Variants in CNTNAP2 observed in about 807,000 individuals in gnomAD.
CNTNAP2 encodes the protein contactin-associated protein-like 2.
A neutral mutation model predicts 155.2 loss-of-function variants in CNTNAP2; 98 were observed. The observed-to-expected ratio is 0.63, with a 90% CI of 0.54 to 0.75. The LOEUF (loss-of-function observed/expected upper bound fraction) is 0.75, where lower values mean the gene tolerates loss of function less well. Among genes scored for constraint, CNTNAP2 ranks in the 30% least tolerant of loss-of-function variants. The pLI is 0.00. For synonymous variants in CNTNAP2, 651 were observed against 631.2 expected (o/e 1.03, Z -0.47); for missense variants, 1,727 against 1,688.1 (o/e 1.02, Z -0.40).
At chr7:146,915,094 T>C (rs1158936747) in intron 3 of CNTNAP2, among the ~76,000 whole-genome samples, 1 of 152,130 alleles carries the variant, frequency 6.6e-6, no homozygotes, top group East Asian at 1.9e-4. Context: ...CCACTTTATA[T>C]TTTTGTTTCC....
chr7:147,608,708 C>A (rs561448989), intron 12 of CNTNAP2, among the ~76,000 whole-genome samples: 3 of 152,180 alleles, frequency 2.0e-5, no homozygotes, highest in African/African-American at 7.2e-5. Context: ...ATTATCAGCA[C>A]TGTCACGCGT....
chr7:147,575,511 C>CTG (rs377290787), intron 12 of CNTNAP2, among the ~76,000 whole-genome samples: 4,245 of 132,554 alleles, frequency 0.032, 166 homozygotes, highest in African/African-American at 0.086. Flanking sequence ...GGGTATACAA[C>CTG]TGTGTGTGTG....
At chr7:146,764,607 G>T (rs1017427936) in intron 1 of CNTNAP2, among the ~76,000 whole-genome samples, 1 of 151,562 alleles carries the variant, frequency 6.6e-6, no homozygotes, top group Non-Finnish European at 1.5e-5. Flanking sequence ...TGATTCATCT[G>T]TTATACCATC....
intron 1 of CNTNAP2, among the ~76,000 whole-genome samples, chr7:146,672,756 C>A (rs1800332215): frequency 6.6e-6 from 1 of 152,112 alleles, no homozygotes; most frequent in South Asian, 2.1e-4. Flanking sequence ...GATAAAATAA[C>A]CAAACAATCA....
At chr7:147,020,749 A>C (rs1258720577) in intron 3 of CNTNAP2, among the ~76,000 whole-genome samples, 1 of 152,184 alleles carries the variant, frequency 6.6e-6, no homozygotes, top group East Asian at 1.9e-4. Flanking sequence ...ACTTTTTAAA[A>C]TATATCAGGG....
At chr7:147,922,788 T>C (rs1800307285) in intron 14 of CNTNAP2, among the ~76,000 whole-genome samples, 1 of 152,176 alleles carries the variant, frequency 6.6e-6, no homozygotes, top group Non-Finnish European at 1.5e-5. Flanking sequence ...AAATAGGCTA[T>C]AGAGGTATGA....
chr7:147,544,405 G>C (rs943451712), intron 11 of CNTNAP2, among the ~76,000 whole-genome samples: 1 of 152,096 alleles, frequency 6.6e-6, no homozygotes, highest in Non-Finnish European at 1.5e-5. Context: ...ACATCCATCA[G>C]AGTGGCAAAA....
intron 8 of CNTNAP2, among the ~76,000 whole-genome samples, chr7:147,206,806 T>C (rs560840683): frequency 6.6e-6 from 1 of 152,276 alleles, no homozygotes; most frequent in African/African-American, 2.4e-5. Context: ...TTAGATGGTT[T>C]TATTTATGAC....
intron 8 of CNTNAP2, among the ~76,000 whole-genome samples, chr7:147,260,752 AG>A (rs1804445092): frequency 6.6e-6 from 1 of 152,100 alleles, no homozygotes; most frequent in African/African-American, 2.4e-5. Context: ...TTTAGTTGAG[AG>A]GTGTAACCAA....
intron 1 of CNTNAP2, among the ~76,000 whole-genome samples, chr7:146,469,031 T>C (rs1204624291): frequency 2.0e-5 from 3 of 152,220 alleles, no homozygotes; most frequent in Non-Finnish European, 4.4e-5. Flanking sequence ...CTAAAGGCAA[T>C]AAATTGATAA....
At chr7:146,687,447 C>A (rs1444303557) in intron 1 of CNTNAP2, among the ~76,000 whole-genome samples, 1 of 152,108 alleles carries the variant, frequency 6.6e-6, no homozygotes, top group Non-Finnish European at 1.5e-5. Flanking sequence ...CGGATATTAG[C>A]TACAGTCCTC....
intron 3 of CNTNAP2, among the ~76,000 whole-genome samples, chr7:146,918,091 C>G (rs1796430135): frequency 6.6e-6 from 1 of 152,160 alleles, no homozygotes; most frequent in South Asian, 2.1e-4. Context: ...TCAGGTGAGT[C>G]TCTTGAAGAC....
At chr7:146,233,509 C>A in intron 1 of CNTNAP2, among the ~76,000 whole-genome samples, 1 of 151,728 alleles carries the variant, frequency 6.6e-6, no homozygotes, top group Non-Finnish European at 1.5e-5. Flanking sequence ...TACATGTGCA[C>A]AATGTGCACG....
chr7:148,330,506 G>T (rs200758651), intron 21 of CNTNAP2, among the ~76,000 whole-genome samples: 1 of 139,062 alleles, frequency 7.2e-6, no homozygotes, highest in Non-Finnish European at 1.6e-5. Context: ...GATGGATGGA[G>T]TGGATGGATG....
chr7:148,026,647 G>C (rs1326347893), intron 15 of CNTNAP2, among the ~76,000 whole-genome samples: 6 of 152,206 alleles, frequency 3.9e-5, no homozygotes, highest in Non-Finnish European at 5.9e-5. Flanking sequence ...CTGGGCTTTG[G>C]ATCTCTTGTT....
intron 1 of CNTNAP2, among the ~76,000 whole-genome samples, chr7:146,642,957 C>A (rs1799738189): frequency 6.6e-6 from 1 of 150,402 alleles, no homozygotes; most frequent in Non-Finnish European, 1.5e-5. Flanking sequence ...TAAATGTCTT[C>A]TTTTGAGAAG....
At chr7:146,611,091 T>C (rs1799128748) in intron 1 of CNTNAP2, among the ~76,000 whole-genome samples, 1 of 152,138 alleles carries the variant, frequency 6.6e-6, no homozygotes. Context: ...AGCAAAGCCG[T>C]TTATGTATTT....
At chr7:147,993,654 A>T (rs1233519911) in intron 15 of CNTNAP2, among the ~76,000 whole-genome samples, 1 of 152,230 alleles carries the variant, frequency 6.6e-6, no homozygotes, top group Non-Finnish European at 1.5e-5. Context: ...TGGCCATATC[A>T]CATCTGAAAC....
At chr7:147,215,624 AATT>A (rs1234073965) in intron 8 of CNTNAP2, among the ~76,000 whole-genome samples, 8 of 152,300 alleles carry the variant, frequency 5.3e-5, no homozygotes, top group Non-Finnish European at 8.8e-5. Context: ...AAGTTTTGAC[AATT>A]ATGAATAAAG....
Sources: allele counts gnomAD v4.1 joint callset (sites outside exome capture counted in the v4.1 genomes callset), GRCh38; gene constraint gnomAD v4.1.1; transcripts MANE v1.5; gene names NCBI Gene and HGNC (gene_info 2026-07-23, HGNC 2026-07-21).